Variants in PUDP observed in about 807,000 individuals in gnomAD.
PUDP encodes the protein pseudouridine-5'-phosphatase.
A neutral mutation model predicts 9.4 loss-of-function variants in PUDP; 8 were observed. That is an observed-to-expected ratio of 0.85 (90% CI 0.50 to 1.53). The LOEUF is 1.53. PUDP is among the 40% of genes most tolerant of loss of function. The pLI, the probability that PUDP is intolerant of heterozygous loss-of-function variation, is 0.00. For missense variants in PUDP, 188 were observed against 189.7 expected (o/e 0.99, Z 0.05); for synonymous variants, 99 against 80.7 (o/e 1.23, Z -1.22).
intron 3 of PUDP, among the ~76,000 whole-genome samples, chrX:6,831,941 T>C (rs1376728659): frequency 3.6e-5 from 4 of 111,634 alleles, no homozygotes; most frequent in Non-Finnish European, 7.5e-5. Context: ...GAGACAGAAG[T>C]GAAGCCAATC....
chrX:7,048,265 T>C (rs1930012644), downstream of PUDP, among the ~76,000 whole-genome samples: 1 of 112,305 alleles, frequency 8.9e-6, no homozygotes, highest in African/African-American at 3.2e-5. Context: ...ACAGCACACC[T>C]GTATACATTC....
intron 3 of PUDP, among the ~76,000 whole-genome samples, chrX:6,929,409 G>C (rs890970758): frequency 1.8e-5 from 2 of 112,473 alleles, no homozygotes; most frequent in African/African-American, 6.5e-5. Flanking sequence ...GGAAGCAAGG[G>C]CTTCCAGGTC....
chrX:7,141,878 T>C (rs965976921), intron 1 of PUDP, among the ~76,000 whole-genome samples: 1 of 112,569 alleles, frequency 8.9e-6, no homozygotes, highest in Non-Finnish European at 1.9e-5. Context: ...TCCTGGGCTT[T>C]GTAAATGGAA....
chrX:6,900,591 A>AAGAGAG (rs779020790), intron 3 of PUDP, among the ~76,000 whole-genome samples: 3,992 of 80,049 alleles, frequency 0.05, 120 homozygotes, highest in East Asian at 0.12. Context: ...GAGGGAGAGA[A>AAGAGAG]AGAGAGAGAG....
intron 3 of PUDP, among the ~76,000 whole-genome samples, chrX:7,069,065 T>A (rs1373637892): frequency 9.0e-6 from 1 of 111,554 alleles, no homozygotes; most frequent in Non-Finnish European, 1.9e-5. Context: ...CACACACAGA[T>A]GCTGACATTT....
chrX:6,883,118 C>T (rs978403891), intron 3 of PUDP, among the ~76,000 whole-genome samples: 1 of 112,197 alleles, frequency 8.9e-6, no homozygotes, highest in African/African-American at 3.2e-5. Flanking sequence ...CCCATGTGGG[C>T]ACCCAGCAAA....
At chrX:7,094,957 G>A (rs1475813673) in intron 2 of PUDP, among the ~76,000 whole-genome samples, 7 of 111,714 alleles carry the variant, frequency 6.3e-5, no homozygotes, top group Non-Finnish European at 7.5e-5. Flanking sequence ...CCTCTCCAGC[G>A]ACTGAGAATC....
At chrX:6,742,502 C>T (rs1164670639) in intron 3 of PUDP, among the ~76,000 whole-genome samples, 1 of 112,498 alleles carries the variant, frequency 8.9e-6, no homozygotes, top group Admixed American at 9.4e-5. Flanking sequence ...AGTGTGGTGG[C>T]TCATACCTGT....
intron 3 of PUDP, among the ~76,000 whole-genome samples, chrX:6,832,893 A>G (rs1926524521): frequency 2.7e-5 from 3 of 111,168 alleles, no homozygotes; most frequent in Admixed American, 9.6e-5. Context: ...TAATTCTAGC[A>G]CAAACCGGAG....
At chrX:7,000,103 G>A (rs1929304913) in intron 1 of PUDP, among the ~76,000 whole-genome samples, 1 of 97,014 alleles carries the variant, frequency 1.0e-5, no homozygotes, top group Middle Eastern at 5.0e-3. Context: ...GAATAGAAGC[G>A]AGATAAAAAG....
chrX:7,036,839 C>T (rs1318391883), intron 1 of PUDP, among the ~76,000 whole-genome samples: 3 of 112,097 alleles, frequency 2.7e-5, no homozygotes, highest in African/African-American at 9.7e-5. Context: ...TACCCACTCA[C>T]TTTTCATTCC....
At chrX:6,808,454 T>C (rs1239444662) in intron 3 of PUDP, among the ~76,000 whole-genome samples, 1 of 112,159 alleles carries the variant, frequency 8.9e-6, no homozygotes, top group Non-Finnish European at 1.9e-5. Flanking sequence ...GTGGTTATGA[T>C]GTGTGCCTCC....
chrX:6,855,809 TA>T (rs1194308228), intron 3 of PUDP, among the ~76,000 whole-genome samples: 5 of 111,717 alleles, frequency 4.5e-5, no homozygotes, highest in Admixed American at 9.5e-5. Flanking sequence ...TGTTCTATGA[TA>T]GGGGTAGACA....
At chrX:6,936,602 C>G (rs1928305423) in intron 3 of PUDP, among the ~76,000 whole-genome samples, 1 of 17,112 alleles carries the variant, frequency 5.8e-5, no homozygotes, top group African/African-American at 2.3e-4. Context: ...TCTCACCACT[C>G]CTATTCAACA....
intron 3 of PUDP, among the ~76,000 whole-genome samples, chrX:6,884,052 G>C (rs1412458686): frequency 9.0e-6 from 1 of 111,492 alleles, no homozygotes; most frequent in Non-Finnish European, 1.9e-5. Context: ...ATGTTAGCCA[G>C]GGTGGTCTTG....
chrX:6,853,789 G>A (rs1333236567), intron 3 of PUDP, among the ~76,000 whole-genome samples: 1 of 111,145 alleles, frequency 9.0e-6, no homozygotes, highest in Admixed American at 9.6e-5. Flanking sequence ...TTAAGGCAAT[G>A]TTTCTGTCTT....
intron 1 of PUDP, among the ~76,000 whole-genome samples, chrX:6,714,537 G>C (rs1315045737): frequency 1.9e-5 from 2 of 107,624 alleles, no homozygotes; most frequent in African/African-American, 6.8e-5. Flanking sequence ...GGAGATGATA[G>C]ATGATATATA....
intron 2 of PUDP, among the ~76,000 whole-genome samples, chrX:7,095,617 G>A: frequency 8.9e-6 from 1 of 112,397 alleles, no homozygotes. Flanking sequence ...AGGAATGACA[G>A]GCAGGTGGAG....
At chrX:6,906,757 C>T (rs1927772634) in intron 3 of PUDP, among the ~76,000 whole-genome samples, 1 of 111,805 alleles carries the variant, frequency 8.9e-6, no homozygotes, top group African/African-American at 3.2e-5. Context: ...AGCCTGTTTC[C>T]AGACTGAGAG....
Sources: gnomAD v4.1 joint callset for allele counts (sites outside exome capture counted in the v4.1 genomes callset) on GRCh38, gnomAD v4.1.1 for gene constraint, MANE v1.5 for transcripts, NCBI Gene and HGNC (gene_info 2026-07-23, HGNC 2026-07-21) for gene names.